The following CCSER1 variants were observed in gnomAD, a reference collection of about 807,000 sequenced individuals.
The protein encoded by CCSER1 is serine-rich coiled-coil domain-containing protein 1.
CCSER1 carries 41 observed loss-of-function variants against 82.0 expected under a neutral mutation model. The ratio of observed to expected loss-of-function variants is 0.50; its 90% CI spans 0.39 to 0.65. The LOEUF (loss-of-function observed/expected upper bound fraction) is 0.65, where lower values mean the gene tolerates loss of function less well. CCSER1 is among the 30% of genes least tolerant of loss of function. The probability of loss-of-function intolerance (pLI) is 0.00; values close to 1 mark genes in which losing one functional copy is unlikely to be tolerated. For missense variants in CCSER1, 1,119 were observed against 1,064.2 expected, an observed-to-expected ratio of 1.05 and a Z score of -0.72; for synonymous variants, 414 against 383.9, an observed-to-expected ratio of 1.08 and a Z score of -0.92.
rs144630581 is a variant in CCSER1, at chr4:90,801,987, A to G, written c.2011-13775A>G. ...GTAATCCCAGCACTTTGGGAGGCCA[A>G]GCGGGGTGGATCACGAGGTCAGTAG... On this transcript the variant is annotated intron_variant, in intron 7 of 10. Transcript: ENST00000509176. Among the ~76,000 whole-genome samples the G allele has an allele frequency of 4.6e-4, 70 of 152,096 alleles. 1 individual carries two copies. The East Asian group carries it at 0.011, about 25-fold the overall frequency.
chr4:91,288,461 A>G (rs1340664558), intron 10 of CCSER1, among the ~76,000 whole-genome samples: 4 of 151,986 alleles, frequency 2.6e-5, no homozygotes, highest in African/African-American at 9.7e-5. Flanking sequence ...AGGTTAATGA[A>G]TCAATGAGTC....
intron 10 of CCSER1, among the ~76,000 whole-genome samples, chr4:91,574,674 T>C (rs1462466278): frequency 6.6e-6 from 1 of 152,074 alleles, no homozygotes; most frequent in Non-Finnish European, 1.5e-5. Flanking sequence ...TTCTCACTTA[T>C]AAGTAGGAGC....
chr4:90,437,867 G>A (rs1409377314), intron 4 of CCSER1, among the ~76,000 whole-genome samples: 1 of 152,002 alleles, frequency 6.6e-6, no homozygotes, highest in Non-Finnish European at 1.5e-5. Flanking sequence ...AATAGCCAGA[G>A]GTGATTTCAT....
rs534002180 is a variant in CCSER1 at position 90,349,921 on chromosome 4, G to A, written c.1509+36874G>A. Among the ~76,000 whole-genome samples, 49 of 152,170 alleles carry A rather than the reference G, an allele frequency of 3.2e-4. 1 individual carries two copies. The highest frequency in any genetic ancestry group is 1.1e-3 in the African/African-American group (46 of 41,558). On this transcript the variant is annotated intron_variant, in intron 3 of 10. Transcript: ENST00000509176. ...TGGAAAGACTTAGAAACCCTAAACT[G>A]TCATAACCCAAAGTGCATAATCATA...
chr4:90,724,874 C>A (rs1022152028), intron 7 of CCSER1: 8 of 304,376 alleles, frequency 2.6e-5, no homozygotes, highest in Non-Finnish European at 4.6e-5. Flanking sequence ...TTGCTTATAC[C>A]TAGTACAGTT....
At chr4:91,525,169 A>C (rs1046967037) in intron 10 of CCSER1, among the ~76,000 whole-genome samples, 9 of 152,160 alleles carry the variant, frequency 5.9e-5, no homozygotes, top group African/African-American at 2.2e-4. Context: ...AAATATAATA[A>C]GAAATATACA....
intron 10 of CCSER1, among the ~76,000 whole-genome samples, chr4:91,549,581 A>G (rs1416955116): frequency 6.6e-6 from 1 of 152,152 alleles, no homozygotes; most frequent in African/African-American, 2.4e-5. Context: ...TCAAGTGTGT[A>G]ATCCCAGCAC....
intron 5 of CCSER1, among the ~76,000 whole-genome samples, chr4:90,491,648 T>C (rs934298986): frequency 6.6e-6 from 1 of 152,162 alleles, no homozygotes; most frequent in African/African-American, 2.4e-5. Flanking sequence ...ATATTGGCTC[T>C]GGGTTTGCCA....
chr4:91,289,382 T>C (rs57409390), intron 10 of CCSER1, among the ~76,000 whole-genome samples: 11,848 of 152,008 alleles, frequency 0.078, 1,493 homozygotes, highest in African/African-American at 0.26. Context: ...CAGAATCAGA[T>C]TCAGATATTA....
intron 10 of CCSER1, among the ~76,000 whole-genome samples, chr4:91,113,583 C>T (rs1726271547): frequency 6.6e-6 from 1 of 152,144 alleles, no homozygotes; most frequent in Non-Finnish European, 1.5e-5. Context: ...AGCCTCTGGC[C>T]TCCGTATGAT....
At chr4:91,321,195 A>T (rs1217450756) in intron 10 of CCSER1, among the ~76,000 whole-genome samples, 1 of 152,102 alleles carries the variant, frequency 6.6e-6, no homozygotes, top group African/African-American at 2.4e-5. Flanking sequence ...TTTTCAATTC[A>T]GGCTCAAATA....
intron 9 of CCSER1, among the ~76,000 whole-genome samples, chr4:91,024,106 T>G (rs1174641668): frequency 6.6e-6 from 1 of 152,084 alleles, no homozygotes; most frequent in African/African-American, 2.4e-5. Context: ...ACGAGTTCCC[T>G]TCCCGTGATA....
intron 9 of CCSER1, among the ~76,000 whole-genome samples, chr4:91,057,091 GC>G (rs1743517893): frequency 1.3e-5 from 2 of 152,104 alleles, no homozygotes; most frequent in South Asian, 4.1e-4. Context: ...GCAGCAATCA[GC>G]AAGTAGAACA....
intron 6 of CCSER1, among the ~76,000 whole-genome samples, chr4:90,690,406 C>G (rs930274643): frequency 2.6e-5 from 4 of 152,050 alleles, no homozygotes; most frequent in African/African-American, 9.7e-5. Flanking sequence ...TAATATTTCA[C>G]TCACCGCTTA....
intron 10 of CCSER1, among the ~76,000 whole-genome samples, chr4:91,323,711 A>G (rs1164354474): frequency 6.6e-6 from 1 of 152,100 alleles, no homozygotes; most frequent in Non-Finnish European, 1.5e-5. Flanking sequence ...TTTGTCAGAA[A>G]CTCATTATGG....
intron 7 of CCSER1, among the ~76,000 whole-genome samples, chr4:90,738,488 G>T (rs1746020854): frequency 6.6e-6 from 1 of 151,806 alleles, no homozygotes; most frequent in Non-Finnish European, 1.5e-5. Context: ...CCACTATTTT[G>T]GGTTGTCAAG....
At chr4:90,553,434 C>T (rs6813989) in intron 5 of CCSER1, among the ~76,000 whole-genome samples, 72,021 of 152,082 alleles carry the variant, frequency 0.47, 21,565 homozygotes, top group African/African-American at 0.86. Context: ...AGCAGAAAAA[C>T]TGATAAATTA....
In CCSER1 at chr4:91,085,952, T is replaced by G. The variant is rs559468068; in HGVS notation, c.2175T>G (p.Gly725=). Residue 725 remains glycine, a splice_region_variant and synonymous_variant, in exon 10 of 11, where the codon GGT becomes GGG. Transcript: ENST00000509176. The part of the protein sequence containing the change: ...STQTELLCYD[G]LNLKRLETVQ... ...TATACTTTGCTTTTCTTTTTCAGGG[T>G]TTAAACTTGAAAAGACTAGAGACAG... The G allele has an allele frequency of 1.2e-4, 177 of 1,514,506 alleles. 3 individuals are homozygous for G. In the South Asian group the frequency reaches 1.9e-3, roughly 16 times the overall value. 93.8% of individuals were successfully genotyped at this position (1,514,506 alleles called of 1,614,324 possible).
At chr4:90,796,952 T>C (rs756831034) in intron 7 of CCSER1, among the ~76,000 whole-genome samples, 1 of 152,176 alleles carries the variant, frequency 6.6e-6, no homozygotes, top group Non-Finnish European at 1.5e-5. Context: ...ATGAAAAGCA[T>C]GTATATTCTG....
Sources: allele counts gnomAD v4.1 joint callset (sites outside exome capture counted in the v4.1 genomes callset), GRCh38; gene constraint gnomAD v4.1.1; transcripts MANE v1.5; gene names NCBI Gene and HGNC (gene_info 2026-07-23, HGNC 2026-07-21).